Variants in EXT1 observed in about 807,000 individuals in gnomAD.
EXT1 encodes exostosin glycosyltransferase 1.
A neutral mutation model predicts 82.5 loss-of-function variants in EXT1; 20 were observed. The ratio of observed to expected loss-of-function variants is 0.24; its 90% CI spans 0.17 to 0.35. The LOEUF (loss-of-function observed/expected upper bound fraction) is 0.35. Among genes scored for constraint, EXT1 ranks in the 10% least tolerant of loss-of-function variants. The pLI is 1.00. For synonymous variants in EXT1, 348 were observed against 350.8 expected, an observed-to-expected ratio of 0.99 and a Z score of 0.09; for missense variants, 757 against 936.5, an observed-to-expected ratio of 0.81 and a Z score of 2.50.
rs190687330 is a variant in EXT1 at position 117,949,876 on chromosome 8, C to G, written c.963-112675G>C. The stretch of plus-strand genomic sequence containing the variant: ...AATGACATTATGCCCATTTTTAAGA[C>G]AAGATAACTGGGACTTAGGGAGGAT... On this transcript the variant is annotated intron_variant, in intron 1 of 10. Transcript: ENST00000378204. Among the ~76,000 whole-genome samples the G allele has an allele frequency of 7.2e-5, 11 of 152,212 alleles. No homozygotes were observed. The East Asian group carries it at 2.1e-3, about 29-fold the overall frequency.
At chr8:117,876,763 C>T (rs1318004050) in intron 1 of EXT1, among the ~76,000 whole-genome samples, 2 of 152,128 alleles carry the variant, frequency 1.3e-5, no homozygotes, top group Non-Finnish European at 2.9e-5. Flanking sequence ...AATTACTAGT[C>T]ACTAGTGATT....
intron 1 of EXT1, among the ~76,000 whole-genome samples, chr8:117,848,326 T>G (rs551680018): frequency 9.2e-5 from 14 of 152,268 alleles, no homozygotes; most frequent in African/African-American, 3.4e-4. Context: ...CAAGTCTAGA[T>G]TCTGCCATTT....
chr8:117,885,687 T>A (rs1191953148), intron 1 of EXT1, among the ~76,000 whole-genome samples: 3 of 152,206 alleles, frequency 2.0e-5, no homozygotes, highest in Non-Finnish European at 2.9e-5. Context: ...CCACCAAGAC[T>A]TTTCTTCCTG....
intron 1 of EXT1, among the ~76,000 whole-genome samples, chr8:118,089,189 TTTAAA>T (rs1158988610): frequency 8.5e-5 from 13 of 152,270 alleles, no homozygotes; most frequent in African/African-American, 3.1e-4. Context: ...AAAATAAGCA[TTTAAA>T]TTAGTTTTCA....
chr8:118,017,738 G>A (rs560253382), intron 1 of EXT1, among the ~76,000 whole-genome samples: 5 of 152,208 alleles, frequency 3.3e-5, no homozygotes, highest in South Asian at 4.2e-4. Context: ...AACATAATTC[G>A]AGACTGTGAG....
At position 117,929,349 on chromosome 8, in the gene EXT1, C is replaced by G. The variant is rs551853270; in HGVS notation, c.963-92148G>C. 2.0e-5 allele frequency among the ~76,000 whole-genome samples: 3 copies of G among 152,308 alleles called. No individual in the cohort carries two copies. In the South Asian group the frequency reaches 6.2e-4, roughly 32 times the overall value. ...CAGGAAGTGTCAGCTCTGAGTGCTT[C>G]CCTCTTCCTCCTCACTCTGGCACAA... On this transcript the variant is annotated intron_variant, in intron 1 of 10. Transcript: ENST00000378204.
intron 1 of EXT1, among the ~76,000 whole-genome samples, chr8:117,887,724 T>A (rs1347352651): frequency 1.3e-5 from 2 of 152,216 alleles, no homozygotes; most frequent in East Asian, 3.9e-4. Context: ...TGATCAAATA[T>A]CCATAATTTA....
intron 1 of EXT1, among the ~76,000 whole-genome samples, chr8:118,036,303 G>GC (rs1460358259): frequency 6.6e-6 from 1 of 151,856 alleles, no homozygotes; most frequent in Non-Finnish European, 1.5e-5. Flanking sequence ...AAACCTCAGA[G>GC]CCCCTTAGAA....
At chr8:117,904,835 G>A (rs561623060) in intron 1 of EXT1, among the ~76,000 whole-genome samples, 1 of 147,882 alleles carries the variant, frequency 6.8e-6, no homozygotes, top group Admixed American at 6.7e-5. Context: ...GAAGGACAGA[G>A]AAATTGGAAA....
At chr8:117,890,864 C>T (rs1184895557) in intron 1 of EXT1, among the ~76,000 whole-genome samples, 1 of 152,216 alleles carries the variant, frequency 6.6e-6, no homozygotes, top group African/African-American at 2.4e-5. Context: ...GCCGCTACTA[C>T]AATAACTATC....
At chr8:118,080,296 C>T (rs1053408186) in intron 1 of EXT1, among the ~76,000 whole-genome samples, 2 of 152,142 alleles carry the variant, frequency 1.3e-5, no homozygotes, top group Non-Finnish European at 2.9e-5. Flanking sequence ...ATACTGTTTC[C>T]CTGAAATAGG....
chr8:117,892,084 C>A (rs926476327), intron 1 of EXT1, among the ~76,000 whole-genome samples: 37 of 152,166 alleles, frequency 2.4e-4, no homozygotes, highest in African/African-American at 8.7e-4. Flanking sequence ...GGATTACAGG[C>A]GTGAGCCACC....
chr8:118,063,053 C>T (rs1434726507), intron 1 of EXT1, among the ~76,000 whole-genome samples: 1 of 152,002 alleles, frequency 6.6e-6, no homozygotes, highest in Non-Finnish European at 1.5e-5. Context: ...TAAATACAAA[C>T]TTTTTGACAG....
In EXT1 at chr8:117,858,352, C is replaced by T. The variant is rs144581069; in HGVS notation, c.963-21151G>A. On this transcript the variant is annotated intron_variant, in intron 1 of 10. Coordinates refer to ENST00000378204, the MANE Select transcript of EXT1 (RefSeq NM_000127.3). ...TCATGAAAGGAAGAGTCAATCGTTG[C>T]GGCAAACTCCACTGTTGTGTTATTT... is the stretch of plus-strand genomic sequence containing the variant. Among the ~76,000 whole-genome samples, 653 of 152,142 alleles carry T rather than the reference C, an allele frequency of 4.3e-3. 6 individuals are homozygous for T. The highest frequency in any genetic ancestry group is 0.017 in the Middle Eastern group (5 of 294).
chr8:117,814,516 G>T (rs564343177), intron 7 of EXT1, among the ~76,000 whole-genome samples: 13 of 152,104 alleles, frequency 8.5e-5, no homozygotes, highest in African/African-American at 2.7e-4. Flanking sequence ...GAGATACACA[G>T]GTTAAGTATC....
At chr8:117,904,207 C>T (rs1214899975) in intron 1 of EXT1, among the ~76,000 whole-genome samples, 1 of 152,112 alleles carries the variant, frequency 6.6e-6, no homozygotes, top group Non-Finnish European at 1.5e-5. Context: ...ATTTCCAGGA[C>T]TACAATTATC....
At chr8:117,894,002 T>C (rs1319144705) in intron 1 of EXT1, among the ~76,000 whole-genome samples, 2 of 152,152 alleles carry the variant, frequency 1.3e-5, no homozygotes. Context: ...GCAAGAATCT[T>C]CCTTACTTCT....
intron 7 of EXT1, among the ~76,000 whole-genome samples, chr8:117,815,960 A>C (rs931976053): frequency 2.0e-5 from 3 of 151,556 alleles, no homozygotes; most frequent in African/African-American, 7.3e-5. Flanking sequence ...ATTAACAAAC[A>C]TGCCTAGGAA....
chr8:117,953,186 T>C (rs1462575369), intron 1 of EXT1, among the ~76,000 whole-genome samples: 3 of 152,260 alleles, frequency 2.0e-5, no homozygotes, highest in Non-Finnish European at 4.4e-5. Flanking sequence ...CTTAGCCAAC[T>C]ATACCAATTA....
Sources: allele counts gnomAD v4.1 joint callset (sites outside exome capture counted in the v4.1 genomes callset), GRCh38; gene constraint gnomAD v4.1.1; transcripts MANE v1.5; gene names NCBI Gene and HGNC (gene_info 2026-07-23, HGNC 2026-07-21).